GRM8: variants seen among roughly 807,000 people sequenced by gnomAD.
GRM8 encodes the protein metabotropic glutamate receptor 8.
In GRM8, 47 loss-of-function variants were observed where a neutral mutation model predicts 87.2. The observed-to-expected ratio is 0.54, with a 90% CI of 0.43 to 0.69. The LOEUF (loss-of-function observed/expected upper bound fraction) is 0.69. Ranked by LOEUF, GRM8 falls within the 30% of genes least tolerant of loss-of-function variation. The probability of loss-of-function intolerance (pLI) is 0.00; values close to 1 mark genes in which losing one functional copy is unlikely to be tolerated. For synonymous variants in GRM8, 396 were observed against 404.5 expected, an observed-to-expected ratio of 0.98 and a Z score of 0.25; for missense variants, 1,019 against 1,139.2, an observed-to-expected ratio of 0.89 and a Z score of 1.52.
At chr7:126,503,669 A>G (rs1245727731) in intron 9 of GRM8, among the ~76,000 whole-genome samples, 1 of 152,074 alleles carries the variant, frequency 6.6e-6, no homozygotes, top group African/African-American at 2.4e-5. Context: ...TAGTCTGTAC[A>G]TTAAAAAATT....
At chr7:127,225,838 A>T (rs1215358941) in intron 2 of GRM8, among the ~76,000 whole-genome samples, 1 of 151,952 alleles carries the variant, frequency 6.6e-6, no homozygotes, top group African/African-American at 2.4e-5. Flanking sequence ...ATAGCCCCAC[A>T]GTCTTGTAGT....
chr7:127,203,889 A>T (rs28948976), intron 2 of GRM8, among the ~76,000 whole-genome samples: 1 of 152,114 alleles, frequency 6.6e-6, no homozygotes, highest in Non-Finnish European at 1.5e-5. Flanking sequence ...AAAAAACTCC[A>T]TAACTAGAAA....
intron 3 of GRM8, among the ~76,000 whole-genome samples, chr7:126,977,370 A>T (rs1811096200): frequency 6.6e-6 from 1 of 152,188 alleles, no homozygotes; most frequent in African/African-American, 2.4e-5. Context: ...TTACCTGAAT[A>T]TTCAGTTTGT....
chr7:126,879,605 C>T (rs940650824), intron 6 of GRM8, among the ~76,000 whole-genome samples: 1 of 151,292 alleles, frequency 6.6e-6, no homozygotes, highest in African/African-American at 2.4e-5. Context: ...CTTCTCAAGG[C>T]AAAGCCGTAC....
At chr7:126,596,497 A>G (rs1585165605) in intron 8 of GRM8, among the ~76,000 whole-genome samples, 1 of 152,012 alleles carries the variant, frequency 6.6e-6, no homozygotes, top group East Asian at 1.9e-4. Context: ...CCACTTATTG[A>G]TGGGGTTGTA....
At chr7:127,216,260 T>G (rs1363484358) in intron 2 of GRM8, among the ~76,000 whole-genome samples, 1 of 152,140 alleles carries the variant, frequency 6.6e-6, no homozygotes, top group South Asian at 2.1e-4. Flanking sequence ...GGCTCACGCC[T>G]GTAATCTCAG....
chr7:126,756,206 G>A (rs905547543), intron 7 of GRM8, among the ~76,000 whole-genome samples: 1 of 151,754 alleles, frequency 6.6e-6, no homozygotes, highest in African/African-American at 2.4e-5. Context: ...ACAACCCCAT[G>A]CAAAAAAAAT....
chr7:127,103,126 A>G (rs1825471490), intron 3 of GRM8, among the ~76,000 whole-genome samples: 1 of 152,232 alleles, frequency 6.6e-6, no homozygotes, highest in South Asian at 2.1e-4. Context: ...TACAGGCATG[A>G]GCCATCACAC....
intron 3 of GRM8, among the ~76,000 whole-genome samples, chr7:127,033,206 C>T (rs1280922331): frequency 1.3e-5 from 2 of 151,780 alleles, no homozygotes; most frequent in African/African-American, 2.4e-5. Flanking sequence ...ATCTATAGAC[C>T]TACGTAACAT....
At chr7:127,015,017 AAGAAG>A in intron 3 of GRM8, among the ~76,000 whole-genome samples, 1 of 101,740 alleles carries the variant, frequency 9.8e-6, no homozygotes, top group Non-Finnish European at 2.1e-5. Context: ...GAAGAAGAAG[AAGAAG>A]AAGAAGAAGA....
intron 9 of GRM8, among the ~76,000 whole-genome samples, chr7:126,489,887 A>G (rs1807801297): frequency 6.6e-6 from 1 of 151,974 alleles, no homozygotes; most frequent in African/African-American, 2.4e-5. Context: ...CCCAAATAGA[A>G]CCAAGACGCA....
intron 2 of GRM8, among the ~76,000 whole-genome samples, chr7:127,107,097 C>T (rs1188393430): frequency 6.6e-6 from 1 of 152,198 alleles, no homozygotes; most frequent in Non-Finnish European, 1.5e-5. Flanking sequence ...AAGGTCACCT[C>T]TGAAACTGGC....
At chr7:126,592,806 A>C (rs1796813941) in intron 8 of GRM8, among the ~76,000 whole-genome samples, 1 of 151,908 alleles carries the variant, frequency 6.6e-6, no homozygotes, top group African/African-American at 2.4e-5. Flanking sequence ...GTCATAGTCA[A>C]AGCAATAGGC....
chr7:126,577,613 A>C (rs1795232587), intron 8 of GRM8, among the ~76,000 whole-genome samples: 2 of 152,196 alleles, frequency 1.3e-5, no homozygotes. Context: ...CTGTAACCAC[A>C]GAAAACTCAG....
chr7:127,150,938 G>T (rs2133313535), intron 2 of GRM8, among the ~76,000 whole-genome samples: 1 of 152,210 alleles, frequency 6.6e-6, no homozygotes, highest in East Asian at 1.9e-4. Context: ...TCTATGAAAT[G>T]CTGTCTTAAG....
chr7:127,086,413 A>G (rs1297747261), intron 3 of GRM8, among the ~76,000 whole-genome samples: 1 of 152,130 alleles, frequency 6.6e-6, no homozygotes, highest in African/African-American at 2.4e-5. Context: ...TATTTTTTTA[A>G]ACAATTCAGA....
intron 7 of GRM8, among the ~76,000 whole-genome samples, chr7:126,734,209 T>C (rs539479479): frequency 1.3e-5 from 2 of 152,060 alleles, no homozygotes; most frequent in East Asian, 1.9e-4. Context: ...CCTGTACAGA[T>C]ATAGTATTTT....
At chr7:127,243,648 T>A in intron 1 of GRM8, 133 bp from the exon 2 acceptor site, 2 of 160,370 alleles carry the variant, frequency 1.2e-5, no homozygotes, top group Non-Finnish European at 2.7e-5. Flanking sequence ...TGTCCCCCTG[T>A]GATTCTGAAC....
intron 9 of GRM8, among the ~76,000 whole-genome samples, chr7:126,452,860 T>C (rs773861584): frequency 6.6e-6 from 1 of 151,738 alleles, no homozygotes; most frequent in Non-Finnish European, 1.5e-5. Context: ...TAAGTTTTCA[T>C]AGACTTAAAT....
Sources: gnomAD v4.1 joint callset for allele counts (sites outside exome capture counted in the v4.1 genomes callset) on GRCh38, gnomAD v4.1.1 for gene constraint, MANE v1.5 for transcripts, NCBI Gene and HGNC (gene_info 2026-07-23, HGNC 2026-07-21) for gene names.